Variants in ADGRL2 observed in about 807,000 individuals in gnomAD.
The protein encoded by ADGRL2 is calcium-independent alpha-latrotoxin receptor 2.
A neutral mutation model predicts 157.4 loss-of-function variants in ADGRL2; 44 were observed. The observed-to-expected ratio is 0.28, with a 90% CI of 0.22 to 0.36. The LOEUF (loss-of-function observed/expected upper bound fraction) is 0.36, where lower values mean the gene tolerates loss of function less well. Ranked by LOEUF, ADGRL2 falls within the 10% of genes least tolerant of loss-of-function variation. The pLI is 1.00. For missense variants in ADGRL2, 1,510 were observed against 1,768.9 expected, an observed-to-expected ratio of 0.85 and a Z score of 2.63; for synonymous variants, 585 against 624.7, an observed-to-expected ratio of 0.94 and a Z score of 0.95.
chr1:81,505,034 G>A (rs532375438), intron 2 of ADGRL2: 6 of 386,646 alleles, frequency 1.6e-5, no homozygotes, highest in East Asian at 1.4e-4. Context: ...GGGAGACACC[G>A]CATGTGGCGT....
chr1:81,918,554 T>G (rs2148552325), intron 3 of ADGRL2, among the ~76,000 whole-genome samples: 1 of 152,182 alleles, frequency 6.6e-6, no homozygotes, highest in South Asian at 2.1e-4. Context: ...TCTTGATGAG[T>G]AAAATATGAA....
intron 3 of ADGRL2, among the ~76,000 whole-genome samples, chr1:81,663,364 G>T (rs1451029813): frequency 6.6e-6 from 1 of 151,954 alleles, no homozygotes; most frequent in African/African-American, 2.4e-5. Flanking sequence ...CCCACCTCCC[G>T]GATCCATACA....
chr1:81,450,109 C>T (rs1411474324), intron 2 of ADGRL2, among the ~76,000 whole-genome samples: 1 of 152,114 alleles, frequency 6.6e-6, no homozygotes, highest in African/African-American at 2.4e-5. Flanking sequence ...AAGCTGGTGC[C>T]AGTGACTTTA....
intron 6 of ADGRL2, among the ~76,000 whole-genome samples, chr1:81,948,903 G>C (rs540386897): frequency 6.6e-6 from 1 of 152,240 alleles, no homozygotes; most frequent in East Asian, 1.9e-4. Context: ...TAAAGAACTA[G>C]AAACATGTCA....
chr1:81,645,102 A>G (rs2082288067), intron 3 of ADGRL2, among the ~76,000 whole-genome samples: 1 of 152,134 alleles, frequency 6.6e-6, no homozygotes, highest in East Asian at 1.9e-4. Context: ...GAAATACATG[A>G]GTACAGGCTG....
In ADGRL2 at chr1:81,948,891, A is replaced by G. The variant is rs919636896; in HGVS notation, c.1211-1298A>G. 3.5e-4 allele frequency among the ~76,000 whole-genome samples: 53 copies of G among 152,238 alleles called. 1 individual carries two copies. Among genetic ancestry groups the G allele is most frequent in the African/African-American group, 1.1e-3 (47 of 41,470 alleles). On this transcript the variant is annotated intron_variant, in intron 6 of 23. Transcript: ENST00000686636. ...TACTGGTAACAAGAAGTATGTAACT[A>G]CTAAAGAACTAGAAACATGTCACAC...
At chr1:81,547,905 T>C (rs1557448902) in intron 2 of ADGRL2, among the ~76,000 whole-genome samples, 1 of 152,214 alleles carries the variant, frequency 6.6e-6, no homozygotes, top group Non-Finnish European at 1.5e-5. Flanking sequence ...AAAATAACAA[T>C]ATTAGCTTCT....
chr1:81,956,023 A>G lies in ADGRL2; in HGVS notation c.1980A>G (p.Leu660=), dbSNP rs1653403842. Residue 660 remains leucine, a synonymous_variant, in exon 11 of 24, where the codon TTA becomes TTG. Transcript: ENST00000686636. ...CTTTTGTCCTAGCTGACAATCTTTT[A>G]GAACCAACAAGGGTCTCAATGCCCA... ...EGAFVLADNL[L]EPTRVSMPTE... is the part of the protein sequence containing the mutation. 2 of 1,609,806 alleles carry G rather than the reference A, an allele frequency of 1.2e-6. No homozygotes were observed. Among genetic ancestry groups the G allele is most frequent in the Admixed American group, 1.7e-5 (1 of 59,164 alleles).
chr1:81,546,820 G>C (rs7540386), intron 2 of ADGRL2, among the ~76,000 whole-genome samples: 2,262 of 152,276 alleles, frequency 0.015, 56 homozygotes, highest in African/African-American at 0.051. Flanking sequence ...TGGAGTTGAA[G>C]AGGTGTCCTC....
intron 2 of ADGRL2, among the ~76,000 whole-genome samples, chr1:81,561,981 T>C (rs1260204555): frequency 1.3e-5 from 2 of 152,182 alleles, no homozygotes; most frequent in East Asian, 3.9e-4. Flanking sequence ...ATCATTTATA[T>C]AAAAACACTC....
chr1:81,402,481 C>G (rs1007065561), intron 1 of ADGRL2, among the ~76,000 whole-genome samples: 1 of 152,108 alleles, frequency 6.6e-6, no homozygotes, highest in African/African-American at 2.4e-5. Flanking sequence ...GCCATCAACC[C>G]TCTCGGTATA....
At chr1:81,589,610 T>C (rs971196446) in intron 3 of ADGRL2, among the ~76,000 whole-genome samples, 6 of 152,214 alleles carry the variant, frequency 3.9e-5, no homozygotes, top group African/African-American at 1.4e-4. Flanking sequence ...GTGTATGGTC[T>C]AGATTGCTCA....
intron 3 of ADGRL2, among the ~76,000 whole-genome samples, chr1:81,591,037 G>A (rs1428322059): frequency 1.3e-5 from 2 of 152,098 alleles, no homozygotes; most frequent in African/African-American, 2.4e-5. Context: ...TCCTTAGCAG[G>A]CCATCAATTC....
At chr1:81,475,164 T>C (rs1184435240) in intron 2 of ADGRL2, among the ~76,000 whole-genome samples, 2 of 152,192 alleles carry the variant, frequency 1.3e-5, no homozygotes, top group South Asian at 2.1e-4. Flanking sequence ...GCTAAACATC[T>C]AGTTTTGTTT....
intron 2 of ADGRL2, among the ~76,000 whole-genome samples, chr1:81,486,465 T>C (rs1406540007): frequency 6.6e-6 from 1 of 152,050 alleles, no homozygotes; most frequent in Admixed American, 6.6e-5. Context: ...GAAAAAAATA[T>C]ACACATACTG....
chr1:81,993,666 C>G lies in ADGRL2; in HGVS notation c.*2521C>G, dbSNP rs1045921059. Among the ~76,000 whole-genome samples the G allele has an allele frequency of 2.0e-5, 3 of 152,060 alleles. No homozygotes were observed. The highest frequency in any genetic ancestry group is 2.9e-5 in the Non-Finnish European group (2 of 68,028). ...TGCCTTAAATTCCATCTAGGATTCCCTTAGTACAAGGTAGTTTCTTAGGTT... is the reference window on the plus strand; with the variant it reads ...TGCCTTAAATTCCATCTAGGATTCCGTTAGTACAAGGTAGTTTCTTAGGTT... On this transcript the variant is annotated 3_prime_UTR_variant, in exon 24 of 24. Coordinates refer to ENST00000686636, the MANE Select transcript of ADGRL2 (RefSeq NM_001366006.2).
At chr1:81,727,701 G>A (rs544332071) in intron 1 of ADGRL2, among the ~76,000 whole-genome samples, 1 of 152,184 alleles carries the variant, frequency 6.6e-6, no homozygotes, top group South Asian at 2.1e-4. Flanking sequence ...AAAGTACTGG[G>A]ATTGCAGGCA....
At chr1:81,530,975 T>C (rs2079583866) in intron 2 of ADGRL2, among the ~76,000 whole-genome samples, 1 of 151,690 alleles carries the variant, frequency 6.6e-6, no homozygotes, top group Non-Finnish European at 1.5e-5. Flanking sequence ...TCCTAGCTAC[T>C]TGGGAGGCTG....
chr1:81,769,368 G>A (rs1199243721), intron 2 of ADGRL2, among the ~76,000 whole-genome samples: 1 of 151,924 alleles, frequency 6.6e-6, no homozygotes, highest in African/African-American at 2.4e-5. Flanking sequence ...ATTTGACGTT[G>A]GTTTTTGTGT....
Sources: allele counts gnomAD v4.1 joint callset (sites outside exome capture counted in the v4.1 genomes callset), GRCh38; gene constraint gnomAD v4.1.1; transcripts MANE v1.5; gene names NCBI Gene and HGNC (gene_info 2026-07-23, HGNC 2026-07-21).